CTNNBL1: variants seen among roughly 807,000 people sequenced by gnomAD.
CTNNBL1 encodes the protein beta-catenin-like protein 1.
A neutral mutation model predicts 72.7 loss-of-function variants in CTNNBL1; 31 were observed. That is an observed-to-expected ratio of 0.43 (90% CI 0.32 to 0.58). The LOEUF (loss-of-function observed/expected upper bound fraction) is 0.58. Among genes scored for constraint, CTNNBL1 ranks in the 20% least tolerant of loss-of-function variants. The pLI is 0.08. For synonymous variants in CTNNBL1, 240 were observed against 267.3 expected (o/e 0.90, Z 1.00); for missense variants, 534 against 725.1 (o/e 0.74, Z 3.03).
At chr20:37,830,906 G>A (rs1546869) in intron 11 of CTNNBL1, among the ~76,000 whole-genome samples, 48,046 of 152,010 alleles carry the variant, frequency 0.32, 8,392 homozygotes, top group South Asian at 0.42. Context: ...CTTGATGTAC[G>A]GTTTCTACTG....
At chr20:37,786,157 G>A (rs934174301) in intron 10 of CTNNBL1, among the ~76,000 whole-genome samples, 11 of 152,224 alleles carry the variant, frequency 7.2e-5, no homozygotes, top group Non-Finnish European at 1.2e-4. Context: ...GGGGAGGGGT[G>A]AGACAAGCAA....
chr20:37,858,972 CT>C (rs770762812), intron 13 of CTNNBL1, among the ~76,000 whole-genome samples: 3 of 152,100 alleles, frequency 2.0e-5, no homozygotes, highest in Non-Finnish European at 4.4e-5. Flanking sequence ...CCTTTCTCCC[CT>C]GTGTTTAACC....
intron 7 of CTNNBL1, 180 bp from the exon 8 acceptor site, chr20:37,777,165 G>A (rs1458970242): frequency 1.1e-5 from 6 of 555,606 alleles, no homozygotes; most frequent in African/African-American, 9.4e-5. Flanking sequence ...GTTTCAATCT[G>A]TCACTTTACT....
intron 1 of CTNNBL1, among the ~76,000 whole-genome samples, chr20:37,702,742 C>G (rs966278769): frequency 2.0e-5 from 3 of 152,146 alleles, no homozygotes; most frequent in Non-Finnish European, 4.4e-5. Flanking sequence ...CTCACACTTA[C>G]AAAACACATT....
chr20:37,702,079 C>T (rs1307959844), intron 1 of CTNNBL1, among the ~76,000 whole-genome samples: 1 of 152,152 alleles, frequency 6.6e-6, no homozygotes, highest in African/African-American at 2.4e-5. Context: ...CAGGGCCTCC[C>T]TGTGTTGTCC....
At chr20:37,812,035 A>G (rs1462310319) in intron 11 of CTNNBL1, among the ~76,000 whole-genome samples, 1 of 152,216 alleles carries the variant, frequency 6.6e-6, no homozygotes, top group Non-Finnish European at 1.5e-5. Flanking sequence ...GGCAGCACAG[A>G]GTCATAGAAG....
At chr20:37,730,959 TTTA>T (rs1235313396) in intron 1 of CTNNBL1, among the ~76,000 whole-genome samples, 1 of 152,022 alleles carries the variant, frequency 6.6e-6, no homozygotes, top group African/African-American at 2.4e-5. Context: ...CTTCTGGGCC[TTTA>T]TTATTATTAT....
chr20:37,814,740 A>ATG (rs1257398803), intron 11 of CTNNBL1, among the ~76,000 whole-genome samples: 4 of 152,192 alleles, frequency 2.6e-5, no homozygotes, highest in East Asian at 1.9e-4. Context: ...TAATGAAAGA[A>ATG]AAAAAACGGA....
chr20:37,776,620 T>A (rs2073575779), intron 7 of CTNNBL1, among the ~76,000 whole-genome samples: 1 of 152,104 alleles, frequency 6.6e-6, no homozygotes, highest in Non-Finnish European at 1.5e-5. Context: ...GGTGAGATAT[T>A]TAAGTCTCAC....
chr20:37,831,824 C>T (rs991395189), intron 11 of CTNNBL1, among the ~76,000 whole-genome samples: 2 of 152,180 alleles, frequency 1.3e-5, no homozygotes, highest in Non-Finnish European at 2.9e-5. Context: ...CCACTTCATG[C>T]CCTATAATTA....
At chr20:37,798,091 C>G (rs1054255822) in intron 10 of CTNNBL1, among the ~76,000 whole-genome samples, 1 of 152,156 alleles carries the variant, frequency 6.6e-6, no homozygotes, top group African/African-American at 2.4e-5. Flanking sequence ...CTCTGCATGT[C>G]TGTCTCCCCT....
At chr20:37,813,349 A>G (rs573566449) in intron 11 of CTNNBL1, among the ~76,000 whole-genome samples, 1 of 152,304 alleles carries the variant, frequency 6.6e-6, no homozygotes, top group Admixed American at 6.5e-5. Flanking sequence ...GGTACCTAGT[A>G]AGTATTCATT....
intron 2 of CTNNBL1, among the ~76,000 whole-genome samples, chr20:37,735,897 C>T (rs1412830059): frequency 6.6e-6 from 1 of 152,136 alleles, no homozygotes; most frequent in Non-Finnish European, 1.5e-5. Flanking sequence ...TCAATGACTA[C>T]AAAGCTGTGA....
chr20:37,697,392 C>G lies in CTNNBL1; in HGVS notation c.30+3240C>G, dbSNP rs188941816. Among the ~76,000 whole-genome samples, 51 of 152,122 alleles carry G rather than the reference C, an allele frequency of 3.4e-4. 1 individual carries two copies. In the East Asian group the frequency reaches 9.7e-3, roughly 29 times the overall value. On this transcript the variant is annotated intron_variant, in intron 1 of 15. Transcript: ENST00000361383. ...GAGGGACCCAGTCATGTGAAGGGAG[C>G]AGAATGATGGAGGCAGCAAGAACAG...
intron 1 of CTNNBL1, among the ~76,000 whole-genome samples, chr20:37,724,524 G>A (rs1238867565): frequency 6.6e-6 from 1 of 152,134 alleles, no homozygotes; most frequent in Non-Finnish European, 1.5e-5. Flanking sequence ...GGTGGAGGGG[G>A]CACAGTTTAG....
intron 7 of CTNNBL1, among the ~76,000 whole-genome samples, chr20:37,775,625 A>C (rs1000862868): frequency 5.3e-5 from 8 of 152,192 alleles, no homozygotes; most frequent in Non-Finnish European, 1.2e-4. Flanking sequence ...ATTTTAATTC[A>C]GTGTAAGGTT....
chr20:37,818,125 C>T (rs1163453882), intron 11 of CTNNBL1, among the ~76,000 whole-genome samples: 2 of 152,162 alleles, frequency 1.3e-5, no homozygotes, highest in Non-Finnish European at 2.9e-5. Flanking sequence ...CAAAGGAAAC[C>T]TCAACTGACT....
rs539121327 is a variant in CTNNBL1, at chr20:37,836,865, G to A, written c.1214-3237G>A. On this transcript the variant is annotated intron_variant, in intron 11 of 15. Transcript: ENST00000361383. ...AATGAGAAATTTGGCTCAAATAATC[G>A]ATGAGAACTTTGGCTCTGATTTTTT... 1.1e-3 allele frequency among the ~76,000 whole-genome samples: 161 copies of A among 152,152 alleles called. 2 individuals are homozygous for A. Among genetic ancestry groups the A allele is most frequent in the African/African-American group, 2.5e-3 (102 of 41,516 alleles).
chr20:37,845,417 C>T (rs980173465), intron 13 of CTNNBL1, among the ~76,000 whole-genome samples: 8 of 152,204 alleles, frequency 5.3e-5, no homozygotes, highest in Admixed American at 2.0e-4. Flanking sequence ...CTGTGTGCCA[C>T]GGGCACCAAG....
Sources: gnomAD v4.1 joint callset for allele counts (sites outside exome capture counted in the v4.1 genomes callset) on GRCh38, gnomAD v4.1.1 for gene constraint, MANE v1.5 for transcripts, NCBI Gene and HGNC (gene_info 2026-07-23, HGNC 2026-07-21) for gene names.